Variants in NAV2 observed in about 807,000 individuals in gnomAD.
NAV2 encodes the protein helicase, APC down-regulated 1.
Under a neutral mutation model 223.2 loss-of-function variants are expected in NAV2, and 54 were observed. The observed-to-expected ratio is 0.24, with a 90% CI of 0.19 to 0.30. The LOEUF (loss-of-function observed/expected upper bound fraction) is 0.30. NAV2 is among the 10% of genes least tolerant of loss of function. NAV2 has a pLI of 1.00. For synonymous variants in NAV2, 1,279 were observed against 1,239.3 expected (o/e 1.03, Z -0.67); for missense variants, 2,806 against 3,147.5 (o/e 0.89, Z 2.60).
At chr11:20,021,408 C>T (rs566339095) in intron 11 of NAV2, among the ~76,000 whole-genome samples, 6 of 152,144 alleles carry the variant, frequency 3.9e-5, no homozygotes, top group African/African-American at 7.2e-5. Context: ...TTGCCTAGAG[C>T]GAGGAAACAA....
rs745416892 is a variant in NAV2 at position 19,942,877 on chromosome 11, G to A, written c.2146+3104G>A. 2.2e-4 allele frequency among the ~76,000 whole-genome samples: 33 copies of A among 152,284 alleles called. No homozygotes were observed. In the Middle Eastern group the frequency reaches 0.01, roughly 47 times the overall value. On this transcript the variant is annotated intron_variant, in intron 8 of 37. Coordinates refer to ENST00000349880, the MANE Select transcript of NAV2 (RefSeq NM_145117.5). ...GCATCTCTGTAGCCCTAGCTGCATG[G>A]GAGGCTGAGGTGGGAGGATCTCCTG...
At chr11:19,921,385 C>G (rs1346921613) in intron 6 of NAV2, among the ~76,000 whole-genome samples, 1 of 152,118 alleles carries the variant, frequency 6.6e-6, no homozygotes, top group Non-Finnish European at 1.5e-5. Flanking sequence ...AAAATAACAG[C>G]AGAAAGATTA....
intron 1 of NAV2, among the ~76,000 whole-genome samples, chr11:19,498,208 T>C (rs1405434666): frequency 1.3e-5 from 2 of 151,872 alleles, no homozygotes; most frequent in African/African-American, 4.9e-5. Flanking sequence ...GGACAACAGA[T>C]CTAGGCAGCA....
chr11:19,496,849 A>C (rs1039505649), intron 1 of NAV2, among the ~76,000 whole-genome samples: 3 of 152,220 alleles, frequency 2.0e-5, no homozygotes, highest in Non-Finnish European at 4.4e-5. Flanking sequence ...GAAACAAAAC[A>C]AAACAAACAA....
At chr11:19,862,849 A>C (rs1590945727) in intron 3 of NAV2, among the ~76,000 whole-genome samples, 1 of 152,284 alleles carries the variant, frequency 6.6e-6, no homozygotes, top group Non-Finnish European at 1.5e-5. Flanking sequence ...ATAACACTAC[A>C]AGACAGACAT....
At chr11:19,369,297 G>C (rs1450646137) in intron 1 of NAV2, among the ~76,000 whole-genome samples, 1 of 152,138 alleles carries the variant, frequency 6.6e-6, no homozygotes, top group African/African-American at 2.4e-5. Context: ...ACATTGGAAC[G>C]ACCCATTGCA....
intron 3 of NAV2, among the ~76,000 whole-genome samples, chr11:19,865,728 A>G (rs561565882): frequency 4.9e-4 from 74 of 152,358 alleles, no homozygotes; most frequent in African/African-American, 1.6e-3. Flanking sequence ...TAGTTTTAAC[A>G]TCTTCTGGAG....
intron 1 of NAV2, among the ~76,000 whole-genome samples, chr11:19,788,045 G>A (rs904727366): frequency 6.6e-6 from 1 of 152,100 alleles, no homozygotes; most frequent in Non-Finnish European, 1.5e-5. Flanking sequence ...TATTTCAAAT[G>A]TAATATGTCC....
chr11:20,097,439 C>T (rs113813439), intron 30 of NAV2, 138 bp from the exon 31 acceptor site: 1 of 671,302 alleles, frequency 1.5e-6, no homozygotes, highest in African/African-American at 1.8e-5. Flanking sequence ...TTTTTCTCCC[C>T]CTCATCCCAC....
At chr11:19,910,700 T>C (rs1282967418) in intron 6 of NAV2, among the ~76,000 whole-genome samples, 1 of 151,762 alleles carries the variant, frequency 6.6e-6, no homozygotes. Context: ...GTCTACTAAA[T>C]ACAAAAAATT....
chr11:19,598,048 C>G (rs555548169), intron 1 of NAV2, among the ~76,000 whole-genome samples: 2 of 152,238 alleles, frequency 1.3e-5, no homozygotes, highest in Non-Finnish European at 2.9e-5. Flanking sequence ...TTCTGCTGCC[C>G]TGGGGGGCCA....
chr11:19,799,547 C>T (rs972339083), intron 1 of NAV2, among the ~76,000 whole-genome samples: 5 of 112,190 alleles, frequency 4.5e-5, no homozygotes, highest in South Asian at 6.3e-4. Flanking sequence ...CCAGGACGCC[C>T]GTTATAGTGG....
chr11:19,555,096 T>C (rs2044833318), intron 1 of NAV2, among the ~76,000 whole-genome samples: 1 of 151,810 alleles, frequency 6.6e-6, no homozygotes, highest in Non-Finnish European at 1.5e-5. Flanking sequence ...ACAAGATATG[T>C]GACTATCTTA....
chr11:19,761,172 G>A (rs2054707024), intron 1 of NAV2, among the ~76,000 whole-genome samples: 1 of 152,024 alleles, frequency 6.6e-6, no homozygotes, highest in Non-Finnish European at 1.5e-5. Flanking sequence ...CAAAAGAGAG[G>A]GCAGTCTGGA....
At chr11:19,988,671 C>T (rs1185165192) in intron 11 of NAV2, among the ~76,000 whole-genome samples, 2 of 152,122 alleles carry the variant, frequency 1.3e-5, no homozygotes, top group Non-Finnish European at 2.9e-5. Context: ...AGGGCCTTGG[C>T]ACTCAGAGGC....
rs757183666 is a variant in NAV2 at position 19,787,270 on chromosome 11, CTTTTTTTT to C, written c.268-45193_268-45186del. ...CATGCCTGGCTAATTTTTATTGGAT[CTTTTTTTT>C]TTTTTTTTTTTTTTTTTTTTGGAGA... On this transcript the variant is annotated intron_variant, in intron 1 of 37. Coordinates refer to ENST00000349880, the MANE Select transcript of NAV2 (RefSeq NM_145117.5). Among the ~76,000 whole-genome samples, 21 of 55,008 alleles carry C rather than the reference CTTTTTTTT, an allele frequency of 3.8e-4. 2 individuals carry two copies. The highest frequency in any genetic ancestry group is 1.1e-3 in the African/African-American group (17 of 16,140). 36.1% of individuals were successfully genotyped at this position (55,008 alleles called of 152,430 possible).
intron 11 of NAV2, among the ~76,000 whole-genome samples, chr11:20,028,946 A>G (rs935229869): frequency 1.3e-5 from 2 of 152,210 alleles, no homozygotes; most frequent in African/African-American, 4.8e-5. Context: ...AAAGGCTCCC[A>G]TGGGGATTGT....
In NAV2 at chr11:19,862,533, T is replaced by G. The variant is rs935942853; in HGVS notation, c.439-6392T>G. On this transcript the variant is annotated intron_variant, in intron 3 of 37. Transcript: ENST00000349880. ...GGCTTTCTTTATACATCAGCCTGAG[T>G]AGCTTACATTACAGAAGGGCAGGCC... Among the ~76,000 whole-genome samples the G allele has an allele frequency of 3.3e-5, 5 of 152,324 alleles. No homozygotes were observed. The East Asian group carries it at 9.6e-4, about 29-fold the overall frequency.
At chr11:19,524,984 C>T (rs906328809) in intron 1 of NAV2, among the ~76,000 whole-genome samples, 1 of 152,112 alleles carries the variant, frequency 6.6e-6, no homozygotes, top group Non-Finnish European at 1.5e-5. Flanking sequence ...TTTTTTCTTC[C>T]TGTTAATCCC....
Sources: allele counts gnomAD v4.1 joint callset (sites outside exome capture counted in the v4.1 genomes callset), GRCh38; gene constraint gnomAD v4.1.1; transcripts MANE v1.5; gene names NCBI Gene and HGNC (gene_info 2026-07-23, HGNC 2026-07-21).